The following SLIT3 variants were observed in gnomAD, a reference collection of about 807,000 sequenced individuals.
SLIT3 encodes the protein slit homolog 3 protein.
Under a neutral mutation model 184.0 loss-of-function variants are expected in SLIT3, and 68 were observed. The ratio of observed to expected loss-of-function variants is 0.37; its 90% CI spans 0.30 to 0.45. SLIT3 has a LOEUF of 0.45. Among genes scored for constraint, SLIT3 ranks in the 20% least tolerant of loss-of-function variants. The pLI is 1.00. For missense variants in SLIT3, 1,707 were observed against 2,026.0 expected (o/e 0.84, Z 3.02); for synonymous variants, 831 against 828.6 (o/e 1.00, Z -0.05).
chr5:169,193,199 A>AAG (rs1763616100), intron 4 of SLIT3, among the ~76,000 whole-genome samples: 1 of 152,180 alleles, frequency 6.6e-6, no homozygotes, highest in Non-Finnish European at 1.5e-5. Context: ...CCCACAATCC[A>AAG]TGGAAGCATC....
At chr5:168,778,337 C>A (rs772754702) in intron 12 of SLIT3, among the ~76,000 whole-genome samples, 2 of 152,360 alleles carry the variant, frequency 1.3e-5, no homozygotes, top group South Asian at 4.1e-4. Flanking sequence ...GCCTGTTTCA[C>A]TCCAAAGCCA....
At chr5:169,105,163 C>T (rs887261377) in intron 4 of SLIT3, among the ~76,000 whole-genome samples, 8 of 152,076 alleles carry the variant, frequency 5.3e-5, no homozygotes, top group African/African-American at 1.9e-4. Context: ...TCTCATGGCT[C>T]GTGGGTTCAG....
chr5:169,146,738 A>G (rs558150272), intron 4 of SLIT3, among the ~76,000 whole-genome samples: 1 of 152,286 alleles, frequency 6.6e-6, no homozygotes, highest in South Asian at 2.1e-4. Flanking sequence ...CCTTCAAACC[A>G]ATATAATCCT....
chr5:169,110,087 A>G (rs1321812962), intron 4 of SLIT3, among the ~76,000 whole-genome samples: 2 of 152,136 alleles, frequency 1.3e-5, no homozygotes, highest in Non-Finnish European at 2.9e-5. Flanking sequence ...ACCTCAGGTG[A>G]TCTGCCTGCC....
intron 1 of SLIT3, among the ~76,000 whole-genome samples, chr5:169,279,693 T>TG (rs1766931654): frequency 6.6e-6 from 1 of 152,226 alleles, no homozygotes; most frequent in African/African-American, 2.4e-5. Context: ...ATAAATTATA[T>TG]AATATGCACA....
intron 4 of SLIT3, among the ~76,000 whole-genome samples, chr5:169,152,547 C>CG (rs1656930474): frequency 1.3e-5 from 2 of 152,058 alleles, no homozygotes; most frequent in South Asian, 4.1e-4. Context: ...CAGCATTTTG[C>CG]GGGGTAATTT....
intron 5 of SLIT3, among the ~76,000 whole-genome samples, chr5:168,861,685 T>G (rs1213072237): frequency 6.6e-6 from 1 of 152,160 alleles, no homozygotes; most frequent in Non-Finnish European, 1.5e-5. Context: ...ACAACCCAAC[T>G]GTACGGGTTG....
At chr5:169,087,133 AG>A (rs1759336122) in intron 4 of SLIT3, among the ~76,000 whole-genome samples, 1 of 152,240 alleles carries the variant, frequency 6.6e-6, no homozygotes, top group African/African-American at 2.4e-5. Flanking sequence ...TTCACAACAA[AG>A]CAAAGCAAAA....
At chr5:168,938,473 G>A (rs1762230060) in intron 4 of SLIT3, among the ~76,000 whole-genome samples, 1 of 152,180 alleles carries the variant, frequency 6.6e-6, no homozygotes, top group Admixed American at 6.5e-5. Flanking sequence ...TGATTGTACT[G>A]TTGCAGCAGT....
rs138362518 is a variant in SLIT3 at position 169,178,238 on chromosome 5, G to A, written c.413+15241C>T. Reference sequence around the variant, plus strand: ...TTCTGTCTTCTGTGATTCCCCTGTCGCTTAATGAAAAATCACGGCTAAGGT... The same window carrying A: ...TTCTGTCTTCTGTGATTCCCCTGTCACTTAATGAAAAATCACGGCTAAGGT... On this transcript the variant is annotated intron_variant, in intron 4 of 35. Transcript: ENST00000519560. Among the ~76,000 whole-genome samples, 186 of 152,268 alleles carry A rather than the reference G, an allele frequency of 1.2e-3. 1 individual carries two copies. The highest frequency in any genetic ancestry group is 4.3e-3 in the African/African-American group (178 of 41,544).
At chr5:169,162,372 T>A (rs1762508421) in intron 4 of SLIT3, among the ~76,000 whole-genome samples, 4 of 152,218 alleles carry the variant, frequency 2.6e-5, no homozygotes, top group Admixed American at 2.6e-4. Context: ...ATCGCCATGT[T>A]GCCCTTACAG....
chr5:168,987,920 C>G (rs558931636), intron 4 of SLIT3, among the ~76,000 whole-genome samples: 1 of 152,216 alleles, frequency 6.6e-6, no homozygotes, highest in East Asian at 1.9e-4. Flanking sequence ...AGTGCACTAC[C>G]TGTACACATG....
At position 169,230,206 on chromosome 5, in the gene SLIT3, T is replaced by G. The variant is rs188787172; in HGVS notation, c.341+14499A>C. Among the ~76,000 whole-genome samples, 10 of 152,308 alleles carry G rather than the reference T, an allele frequency of 6.6e-5. No individual in the cohort carries two copies. In the East Asian group the frequency reaches 1.9e-3, roughly 29 times the overall value. ...AAAGGTAACTCCACTGAACAATGATTAACCCCATTTAACAGATGTTACTCG... is the reference window on the plus strand; with the variant it reads ...AAAGGTAACTCCACTGAACAATGATGAACCCCATTTAACAGATGTTACTCG... On this transcript the variant is annotated intron_variant, in intron 3 of 35. Transcript: ENST00000519560.
intron 20 of SLIT3, among the ~76,000 whole-genome samples, chr5:168,744,576 G>T (rs558257614): frequency 6.6e-6 from 1 of 152,312 alleles, no homozygotes; most frequent in African/African-American, 2.4e-5. Flanking sequence ...TGCTGATGGT[G>T]ACTTGAAGTT....
chr5:169,226,527 G>A (rs779891661), intron 3 of SLIT3, among the ~76,000 whole-genome samples: 29 of 152,116 alleles, frequency 1.9e-4, no homozygotes, highest in Non-Finnish European at 2.5e-4. Flanking sequence ...GGGTGCCTTC[G>A]CCGACATTGT....
At chr5:168,721,604 A>T (rs1762942818) in intron 23 of SLIT3, among the ~76,000 whole-genome samples, 1 of 152,180 alleles carries the variant, frequency 6.6e-6, no homozygotes, top group Non-Finnish European at 1.5e-5. Flanking sequence ...GCCATGCAGG[A>T]ATGCAGGGGT....
chr5:169,157,159 T>G (rs1580997565), intron 4 of SLIT3, among the ~76,000 whole-genome samples: 1 of 152,212 alleles, frequency 6.6e-6, no homozygotes, highest in East Asian at 1.9e-4. Context: ...TGCTGAGTAG[T>G]GATGAAGTCC....
chr5:168,809,781 G>A (rs1011712938), intron 8 of SLIT3, among the ~76,000 whole-genome samples: 1 of 152,184 alleles, frequency 6.6e-6, no homozygotes, highest in Non-Finnish European at 1.5e-5. Context: ...CCAGAAGCCT[G>A]GCACATGTGG....
chr5:168,906,499 C>T (rs746527869), intron 4 of SLIT3, among the ~76,000 whole-genome samples: 1 of 152,180 alleles, frequency 6.6e-6, no homozygotes, highest in Admixed American at 6.5e-5. Flanking sequence ...AAAATACCTG[C>T]ATCCATTATG....
Sources: allele counts gnomAD v4.1 joint callset (sites outside exome capture counted in the v4.1 genomes callset), GRCh38; gene constraint gnomAD v4.1.1; transcripts MANE v1.5; gene names NCBI Gene and HGNC (gene_info 2026-07-23, HGNC 2026-07-21).